The following MOB1B variants were observed in gnomAD, a reference collection of about 807,000 sequenced individuals.
MOB1B encodes the protein MOB1 Mps One Binder homolog B.
MOB1B carries 19 observed loss-of-function variants against 24.4 expected under a neutral mutation model. The observed-to-expected ratio is 0.78, with a 90% CI of 0.54 to 1.14. MOB1B has a LOEUF of 1.14. Among genes scored for constraint, MOB1B ranks in the 50% most tolerant of loss-of-function variants. The pLI, the probability that MOB1B is intolerant of heterozygous loss-of-function variation, is 0.00. For missense variants in MOB1B, 243 were observed against 259.6 expected (o/e 0.94, Z 0.44); for synonymous variants, 76 against 82.1 (o/e 0.93, Z 0.40).
chr4:70,905,152 A>C (rs1735689265), intron 1 of MOB1B, among the ~76,000 whole-genome samples: 1 of 152,182 alleles, frequency 6.6e-6, no homozygotes, highest in Non-Finnish European at 1.5e-5. Context: ...AGTGAACACC[A>C]CATGGAAATG....
rs755320738 is a variant in MOB1B, at chr4:70,969,957, A to T, written c.208A>T (p.Met70Leu). The T allele has an allele frequency of 1.2e-6, 2 of 1,606,636 alleles. No individual in the cohort carries two copies. The highest frequency in any genetic ancestry group is 2.3e-5 in the South Asian group (2 of 88,872). The stretch of plus-strand genomic sequence containing the variant: ...TGTGGATTTCTTCAATCAGATCAAC[A>T]TGCTTTATGGAACTATCACAGACTT... ...NTVDFFNQIN[M>L]LYGTITDFCT... The change falls in exon 3 of 6, where the codon ATG becomes TTG. Residue 70 changes from methionine (M) to leucine (L), a missense_variant. Coordinates refer to ENST00000309395, the MANE Select transcript of MOB1B (RefSeq NM_173468.4).
chr4:70,928,523 T>C (rs928889627), intron 1 of MOB1B, among the ~76,000 whole-genome samples: 2 of 152,020 alleles, frequency 1.3e-5, no homozygotes, highest in Non-Finnish European at 2.9e-5. Flanking sequence ...TCTCGAACTC[T>C]TGACCTCGTG....
intron 1 of MOB1B, among the ~76,000 whole-genome samples, chr4:70,916,056 G>GT (rs1212953391): frequency 6.6e-6 from 1 of 152,138 alleles, no homozygotes; most frequent in African/African-American, 2.4e-5. Context: ...GGATCTACAT[G>GT]TTTCCTTAAA....
chr4:70,924,427 C>T (rs1736569785), intron 1 of MOB1B, among the ~76,000 whole-genome samples: 1 of 152,118 alleles, frequency 6.6e-6, no homozygotes, highest in South Asian at 2.1e-4. Flanking sequence ...ACTCTTTAGC[C>T]CTTTAATCTT....
intron 1 of MOB1B, among the ~76,000 whole-genome samples, chr4:70,920,140 CAA>C (rs1455383926): frequency 6.6e-6 from 1 of 152,190 alleles, no homozygotes; most frequent in African/African-American, 2.4e-5. Flanking sequence ...AGAAATTACT[CAA>C]GTCACATGAA....
intron 1 of MOB1B, among the ~76,000 whole-genome samples, chr4:70,949,366 C>G (rs1436602042): frequency 6.6e-6 from 1 of 152,196 alleles, no homozygotes; most frequent in African/African-American, 2.4e-5. Flanking sequence ...ACAAGGTTAT[C>G]TTTTCAATAC....
At chr4:70,944,686 T>C (rs1281355744) in intron 1 of MOB1B, among the ~76,000 whole-genome samples, 1 of 152,100 alleles carries the variant, frequency 6.6e-6, no homozygotes, top group East Asian at 1.9e-4. Context: ...CTTACAATCA[T>C]GGCAGAAGGC....
intron 1 of MOB1B, among the ~76,000 whole-genome samples, chr4:70,903,367 G>A (rs989036818): frequency 1.3e-5 from 2 of 152,106 alleles, no homozygotes; most frequent in African/African-American, 4.8e-5. Context: ...CTTACTTATC[G>A]TTTGTTCCAG....
At chr4:70,932,850 A>G (rs548990696) in intron 1 of MOB1B, among the ~76,000 whole-genome samples, 3 of 152,314 alleles carry the variant, frequency 2.0e-5, no homozygotes, top group South Asian at 2.1e-4. Flanking sequence ...AGTAGCAGCT[A>G]CCAGCTAGCT....
At chr4:70,975,438 A>G (rs994080529) in intron 4 of MOB1B, 152 bp downstream of exon 4, 1 of 1,346,900 alleles carries the variant, frequency 7.4e-7, no homozygotes, top group African/African-American at 1.5e-5. Context: ...GAAGAGGCAC[A>G]AAAGTTTGTT....
At chr4:70,959,112 C>G in intron 2 of MOB1B, 72 bp downstream of exon 2, 1 of 1,267,472 alleles carries the variant, frequency 7.9e-7, no homozygotes, top group Non-Finnish European at 1.1e-6. Context: ...AGTGTTGGTG[C>G]TGTCCATTCT....
intron 1 of MOB1B, among the ~76,000 whole-genome samples, chr4:70,918,583 G>C (rs1736289655): frequency 6.6e-6 from 1 of 151,754 alleles, no homozygotes; most frequent in Admixed American, 6.6e-5. Flanking sequence ...GTAGATTCTG[G>C]ATATTAGCCC....
At chr4:70,903,296 T>A (rs1323117275) in intron 1 of MOB1B, among the ~76,000 whole-genome samples, 1 of 152,232 alleles carries the variant, frequency 6.6e-6, no homozygotes, top group Admixed American at 6.5e-5. Flanking sequence ...TGGGGAGTTG[T>A]TTTGAAAATC....
At chr4:70,956,122 C>T (rs1198957467) in intron 1 of MOB1B, among the ~76,000 whole-genome samples, 1 of 152,058 alleles carries the variant, frequency 6.6e-6, no homozygotes, top group Non-Finnish European at 1.5e-5. Flanking sequence ...AGAATTTCTG[C>T]ACTCTAGTGT....
Position 70,975,379 on chromosome 4 carries a change from G to C in MOB1B, c.409+93G>C. 3.2e-6 allele frequency: 5 copies of C among 1,543,932 alleles called. No homozygotes were observed. In the South Asian group the frequency reaches 6.4e-5, roughly 20 times the overall value. On this transcript the variant is annotated intron_variant, in intron 4 of 5. Coordinates refer to ENST00000309395, the MANE Select transcript of MOB1B (RefSeq NM_173468.4). The stretch of plus-strand genomic sequence containing the variant: ...CCTCTTTCCACTATATCTAGTTGGA[G>C]AGTTCTTTATGGCTGTGTTGATATA...
intron 1 of MOB1B, among the ~76,000 whole-genome samples, chr4:70,919,577 C>T (rs1736340596): frequency 6.6e-6 from 1 of 152,172 alleles, no homozygotes; most frequent in Non-Finnish European, 1.5e-5. Flanking sequence ...CGGCTCACTG[C>T]AACCTCTGCC....
At chr4:70,970,498 T>C (rs1738712285) in intron 3 of MOB1B, among the ~76,000 whole-genome samples, 1 of 152,256 alleles carries the variant, frequency 6.6e-6, no homozygotes, top group Non-Finnish European at 1.5e-5. Context: ...ATATATGTTT[T>C]ATTTAACCTG....
rs1738933154 is a variant in MOB1B, at chr4:70,975,184, A to G, written c.307A>G (p.Ile103Val). 2.5e-6 allele frequency: 4 copies of G among 1,609,936 alleles called. No individual in the cohort carries two copies. Among genetic ancestry groups the G allele is most frequent in the African/African-American group, 1.3e-5 (1 of 74,814 alleles). The change falls in exon 4 of 6, where the codon ATA becomes GTA. Residue 103 changes from isoleucine to valine, a missense_variant. Transcript: ENST00000309395. ...YEYHWADGTN[I>V]KKPIKCSAPK... is the part of the protein sequence containing the mutation. ...GTATCATTGGGCAGATGGAACGAAC[A>G]TAAAGAAACCTATTAAGTGCTCTGC... is the stretch of plus-strand genomic sequence containing the variant.
intron 4 of MOB1B, among the ~76,000 whole-genome samples, chr4:70,977,551 G>A (rs972310466): frequency 6.6e-6 from 1 of 152,050 alleles, no homozygotes; most frequent in Admixed American, 6.5e-5. Flanking sequence ...GATGTTATGA[G>A]ATTATACATA....
Sources: gnomAD v4.1 joint callset for allele counts (sites outside exome capture counted in the v4.1 genomes callset) on GRCh38, gnomAD v4.1.1 for gene constraint, MANE v1.5 for transcripts, NCBI Gene and HGNC (gene_info 2026-07-23, HGNC 2026-07-21) for gene names.